Variants in ZFAT observed in about 807,000 individuals in gnomAD.
ZFAT encodes zinc finger and AT-hook domain containing, also known as zinc finger protein ZFAT.
In ZFAT, 64 loss-of-function variants were observed where a neutral mutation model predicts 117.7. That is an observed-to-expected ratio of 0.54 (90% CI 0.44 to 0.67). The LOEUF (loss-of-function observed/expected upper bound fraction) is 0.67. Ranked by LOEUF, ZFAT falls within the 30% of genes least tolerant of loss-of-function variation. The pLI is 0.00. For missense variants in ZFAT, 1,433 were observed against 1,584.5 expected (o/e 0.90, Z 1.62); for synonymous variants, 679 against 615.0 (o/e 1.10, Z -1.54).
At chr8:134,731,086 C>A in the ZFAT span, among the ~76,000 whole-genome samples, 1 of 152,302 alleles carries the variant, frequency 6.6e-6, no homozygotes, top group East Asian at 1.9e-4. Context: ...AAATGATAAA[C>A]ACAGACAATA....
At chr8:134,723,877 T>C in the ZFAT span, 1 of 152,222 alleles carries the variant, frequency 6.6e-6, no homozygotes, top group African/African-American at 2.4e-5. Flanking sequence ...AGAAAACTGA[T>C]AACCCTGAAA....
intron 10 of ZFAT, among the ~76,000 whole-genome samples, chr8:134,577,171 A>C: frequency 6.6e-6 from 1 of 152,186 alleles, no homozygotes; most frequent in Non-Finnish European, 1.5e-5. Flanking sequence ...ATACACACAA[A>C]GGGTTTAATC....
intron 12 of ZFAT, 82 bp downstream of exon 12, chr8:134,532,748 CTGCA>C: frequency 6.6e-7 from 1 of 1,525,762 alleles, no homozygotes; most frequent in Non-Finnish European, 8.8e-7. Flanking sequence ...CAGAACTGAA[CTGCA>C]GGATGTCAGC....
At chr8:134,513,901 G>A (rs1820049569) in intron 13 of ZFAT, among the ~76,000 whole-genome samples, 1 of 152,198 alleles carries the variant, frequency 6.6e-6, no homozygotes, top group Admixed American at 6.5e-5. Flanking sequence ...AATATTCAAT[G>A]AATGCATAAA....
At chr8:134,574,840 AGGT>A (rs1034772679) in intron 10 of ZFAT, among the ~76,000 whole-genome samples, 7 of 152,292 alleles carry the variant, frequency 4.6e-5, no homozygotes, top group Non-Finnish European at 8.8e-5. Flanking sequence ...TTACTGAAAA[AGGT>A]GGTATTTTAC....
At chr8:134,684,579 G>A (rs542138379) in intron 1 of ZFAT, among the ~76,000 whole-genome samples, 8 of 152,228 alleles carry the variant, frequency 5.3e-5, no homozygotes, top group African/African-American at 1.7e-4. Context: ...TCTCCTTGAC[G>A]TTGATTAGAT....
intron 7 of ZFAT, chr8:134,597,915 T>C (rs1466651822): frequency 2.0e-5 from 3 of 152,288 alleles, no homozygotes; most frequent in African/African-American, 7.2e-5. Flanking sequence ...TTCAGCACAC[T>C]GCTCTTCTCC....
chr8:134,532,500 GAA>G (rs1821491585), intron 12 of ZFAT, among the ~76,000 whole-genome samples: 1 of 152,176 alleles, frequency 6.6e-6, no homozygotes, highest in Non-Finnish European at 1.5e-5. Context: ...AAAGACAACC[GAA>G]CTTTCATCTC....
intron 3 of ZFAT, among the ~76,000 whole-genome samples, chr8:134,614,926 TTA>T (rs1828609822): frequency 6.6e-6 from 1 of 151,946 alleles, no homozygotes; most frequent in Non-Finnish European, 1.5e-5. Context: ...GGTGGAACTA[TTA>T]CATAAGGAAG....
At chr8:134,484,182 A>G (rs925172022) in intron 15 of ZFAT, among the ~76,000 whole-genome samples, 2 of 152,204 alleles carry the variant, frequency 1.3e-5, no homozygotes, top group African/African-American at 4.8e-5. Flanking sequence ...CACAAAGGCT[A>G]TTACAATCCA....
intron 2 of ZFAT, among the ~76,000 whole-genome samples, chr8:134,642,900 C>T (rs780049221): frequency 4.6e-5 from 7 of 152,228 alleles, no homozygotes; most frequent in Non-Finnish European, 8.8e-5. Flanking sequence ...TAGGGGAACA[C>T]AAGCCTCTTA....
chr8:134,551,914 T>C (rs1823198310), intron 11 of ZFAT, among the ~76,000 whole-genome samples: 1 of 152,230 alleles, frequency 6.6e-6, no homozygotes, highest in African/African-American at 2.4e-5. Flanking sequence ...GTTACACTAA[T>C]TCCCTTTGAC....
At chr8:134,662,756 C>A (rs951344181) in intron 1 of ZFAT, among the ~76,000 whole-genome samples, 1 of 152,216 alleles carries the variant, frequency 6.6e-6, no homozygotes, top group African/African-American at 2.4e-5. Flanking sequence ...GAGGTCTGGT[C>A]AGCAGGGAGG....
At chr8:134,705,847 T>C (rs1320162661) in intron 1 of ZFAT, among the ~76,000 whole-genome samples, 1 of 152,056 alleles carries the variant, frequency 6.6e-6, no homozygotes, top group East Asian at 1.9e-4. Flanking sequence ...CCCAATTTAT[T>C]AAAATAGCCC....
At chr8:134,584,045 TACG>T in intron 9 of ZFAT, 40 bp from the exon 10 acceptor site, 1 of 1,533,494 alleles carries the variant, frequency 6.5e-7, no homozygotes, top group Non-Finnish European at 8.8e-7. Context: ...TATATTTACA[TACG>T]TTTATGCATA....
At chr8:134,499,266 G>A (rs1371900459) in intron 15 of ZFAT, among the ~76,000 whole-genome samples, 1 of 128,226 alleles carries the variant, frequency 7.8e-6, no homozygotes, top group Non-Finnish European at 1.7e-5. Context: ...TGGTAGGGTC[G>A]GGGTGGAGCT....
intron 10 of ZFAT, among the ~76,000 whole-genome samples, chr8:134,574,471 C>T (rs981903377): frequency 6.6e-6 from 1 of 151,680 alleles, no homozygotes; most frequent in African/African-American, 2.4e-5. Context: ...TGGTGACTTT[C>T]CCTGAGGATG....
intron 2 of ZFAT, among the ~76,000 whole-genome samples, chr8:134,656,457 C>A (rs1436629710): frequency 1.3e-5 from 2 of 152,158 alleles, no homozygotes; most frequent in Non-Finnish European, 2.9e-5. Flanking sequence ...GGTGCTGCAT[C>A]TTTTTCATTT....
At chr8:134,717,433 A>T (rs1355463748), upstream of ZFAT, among the ~76,000 whole-genome samples, 7 of 137,058 alleles carry the variant, frequency 5.1e-5, no homozygotes, top group South Asian at 1.8e-3. Flanking sequence ...TTTTGTAGAG[A>T]TGACAAAGAA....
Sources: allele counts gnomAD v4.1 joint callset (sites outside exome capture counted in the v4.1 genomes callset), GRCh38; gene constraint gnomAD v4.1.1; transcripts MANE v1.5; gene names NCBI Gene and HGNC (gene_info 2026-07-23, HGNC 2026-07-21).